Variants in PHF20 observed in about 807,000 individuals in gnomAD.
PHF20 encodes the protein PHD finger protein 20, also known as glioma-expressed antigen 2.
In PHF20, 23 loss-of-function variants were observed where a neutral mutation model predicts 113.5. That is an observed-to-expected ratio of 0.20 (90% CI 0.15 to 0.29). The LOEUF is 0.29. PHF20 is among the 10% of genes least tolerant of loss of function. PHF20 has a pLI of 1.00. For synonymous variants in PHF20, 434 were observed against 457.3 expected (o/e 0.95, Z 0.65); for missense variants, 943 against 1,219.6 (o/e 0.77, Z 3.38).
intron 1 of PHF20, among the ~76,000 whole-genome samples, chr20:35,784,751 G>A (rs1471982784): frequency 2.0e-5 from 3 of 152,004 alleles, no homozygotes; most frequent in Non-Finnish European, 4.4e-5. Flanking sequence ...GTTTTTAAAA[G>A]CAATAAAGGT....
intron 9 of PHF20, among the ~76,000 whole-genome samples, chr20:35,874,645 A>G (rs1416528227): frequency 6.6e-6 from 1 of 152,168 alleles, no homozygotes; most frequent in Non-Finnish European, 1.5e-5. Context: ...CACCATGTCC[A>G]GCTAATTTTT....
chr20:35,866,963 CCAGT>C (rs2054330474), intron 6 of PHF20, among the ~76,000 whole-genome samples: 1 of 152,166 alleles, frequency 6.6e-6, no homozygotes, highest in Non-Finnish European at 1.5e-5. Context: ...CAGTTCTTTT[CCAGT>C]CAGACTGTCT....
chr20:35,914,438 T>G (rs2055363462), intron 12 of PHF20, among the ~76,000 whole-genome samples: 1 of 152,238 alleles, frequency 6.6e-6, no homozygotes, highest in Non-Finnish European at 1.5e-5. Context: ...AATATTGTTG[T>G]GTTGAGAAAT....
At chr20:35,922,248 G>A (rs929600824) in intron 13 of PHF20, among the ~76,000 whole-genome samples, 10 of 152,134 alleles carry the variant, frequency 6.6e-5, no homozygotes, top group Non-Finnish European at 1.2e-4. Context: ...AAGGAGGGAC[G>A]GTTTCTGACT....
intron 1 of PHF20, among the ~76,000 whole-genome samples, chr20:35,786,049 A>C (rs888434488): frequency 2.7e-5 from 4 of 150,654 alleles, no homozygotes; most frequent in African/African-American, 9.7e-5. Context: ...AAAAAAACAA[A>C]AAAAAAAACA....
intron 5 of PHF20, 117 bp from the exon 6 acceptor site, chr20:35,862,896 A>G (rs2054242767): frequency 1.0e-6 from 1 of 968,056 alleles, no homozygotes; most frequent in Admixed American, 2.5e-5. Context: ...TGTATATGTG[A>G]TCTGGCGTAT....
intron 4 of PHF20, among the ~76,000 whole-genome samples, chr20:35,851,119 A>C (rs2042724086): frequency 2.0e-5 from 3 of 152,116 alleles, no homozygotes; most frequent in African/African-American, 7.2e-5. Context: ...TTTTGCCCCC[A>C]GTAGTGTACA....
intron 9 of PHF20, among the ~76,000 whole-genome samples, chr20:35,895,941 T>G (rs1054070465): frequency 1.3e-5 from 2 of 152,048 alleles, no homozygotes; most frequent in Non-Finnish European, 2.9e-5. Flanking sequence ...CCTGCCTTGG[T>G]CTCCCAAAGT....
intron 2 of PHF20, among the ~76,000 whole-genome samples, chr20:35,814,358 C>CA (rs2042029896): frequency 6.6e-6 from 1 of 151,742 alleles, no homozygotes; most frequent in South Asian, 2.1e-4. Flanking sequence ...GCTGGGACTA[C>CA]AGGCGCATGC....
At chr20:35,827,609 C>G (rs1191077333) in intron 2 of PHF20, among the ~76,000 whole-genome samples, 2 of 151,890 alleles carry the variant, frequency 1.3e-5, no homozygotes, top group Non-Finnish European at 2.9e-5. Context: ...ACGGTGAAAC[C>G]CTGTCACTAT....
intron 9 of PHF20, among the ~76,000 whole-genome samples, chr20:35,890,807 C>T (rs1195671902): frequency 2.0e-5 from 3 of 152,006 alleles, no homozygotes; most frequent in African/African-American, 4.8e-5. Context: ...CACTTGAACC[C>T]GGAGGTGGAG....
At chr20:35,842,051 T>C (rs1455920172) in intron 2 of PHF20, among the ~76,000 whole-genome samples, 1 of 152,070 alleles carries the variant, frequency 6.6e-6, no homozygotes, top group Non-Finnish European at 1.5e-5. Context: ...TTTAATTTAA[T>C]GGTTCATAAA....
chr20:35,840,375 C>T (rs139909343), intron 2 of PHF20, among the ~76,000 whole-genome samples: 172 of 152,226 alleles, frequency 1.1e-3, no homozygotes, highest in Non-Finnish European at 1.9e-3. Context: ...TATCCAGATA[C>T]CTCTCTTGTG....
At chr20:35,882,562 G>T (rs2054654371) in intron 9 of PHF20, among the ~76,000 whole-genome samples, 1 of 152,202 alleles carries the variant, frequency 6.6e-6, no homozygotes, top group African/African-American at 2.4e-5. Flanking sequence ...TGAGTAGCTA[G>T]GACTACAGAC....
intron 1 of PHF20, among the ~76,000 whole-genome samples, chr20:35,800,508 C>T (rs1363793687): frequency 3.3e-5 from 5 of 152,150 alleles, no homozygotes; most frequent in African/African-American, 9.7e-5. Flanking sequence ...CAGTGGTTCA[C>T]GCCTGTAATA....
intron 9 of PHF20, among the ~76,000 whole-genome samples, chr20:35,876,968 G>A (rs1041942967): frequency 1.3e-5 from 2 of 151,510 alleles, no homozygotes; most frequent in Non-Finnish European, 1.5e-5. Flanking sequence ...TTGGCCGGGC[G>A]TGGTGGCTGG....
chr20:35,828,660 G>T (rs994402422), intron 2 of PHF20, among the ~76,000 whole-genome samples: 3 of 152,126 alleles, frequency 2.0e-5, no homozygotes, highest in African/African-American at 7.2e-5. Context: ...CTGCCTTCTG[G>T]CTGTGCACAT....
chr20:35,823,863 G>A (rs1172086030), intron 2 of PHF20, among the ~76,000 whole-genome samples: 3 of 152,100 alleles, frequency 2.0e-5, no homozygotes, highest in Admixed American at 2.0e-4. Flanking sequence ...TAAACTTAGC[G>A]TAATGCATTT....
chr20:35,886,951 T>A (rs1406673294), intron 9 of PHF20, among the ~76,000 whole-genome samples: 2 of 152,298 alleles, frequency 1.3e-5, no homozygotes, highest in East Asian at 3.9e-4. Context: ...GGAAGCAAGA[T>A]GCCACTATTG....
Sources: gnomAD v4.1 joint callset for allele counts (sites outside exome capture counted in the v4.1 genomes callset) on GRCh38, gnomAD v4.1.1 for gene constraint, MANE v1.5 for transcripts, NCBI Gene and HGNC (gene_info 2026-07-23, HGNC 2026-07-21) for gene names.